CNTNAP2: variants seen among roughly 807,000 people sequenced by gnomAD.
CNTNAP2 encodes the protein contactin-associated protein-like 2.
CNTNAP2 carries 98 observed loss-of-function variants against 155.2 expected under a neutral mutation model. The ratio of observed to expected loss-of-function variants is 0.63; its 90% CI spans 0.54 to 0.75. CNTNAP2 has a LOEUF of 0.75. Ranked by LOEUF, CNTNAP2 falls within the 30% of genes least tolerant of loss-of-function variation. The pLI is 0.00. For synonymous variants in CNTNAP2, 651 were observed against 631.2 expected, an observed-to-expected ratio of 1.03 and a Z score of -0.47; for missense variants, 1,727 against 1,688.1, an observed-to-expected ratio of 1.02 and a Z score of -0.40.
At chr7:146,603,111 T>C (rs1420150453) in intron 1 of CNTNAP2, among the ~76,000 whole-genome samples, 2 of 151,528 alleles carry the variant, frequency 1.3e-5, no homozygotes, top group Non-Finnish European at 2.9e-5. Context: ...TTAGTACATG[T>C]AAATTTAAAA....
chr7:148,046,813 A>G (rs1364376129), intron 15 of CNTNAP2, among the ~76,000 whole-genome samples: 2 of 152,232 alleles, frequency 1.3e-5, no homozygotes, highest in Non-Finnish European at 2.9e-5. Context: ...ATGTAGGCCA[A>G]CTGCTTCTGT....
At chr7:148,015,357 C>A (rs1802159679) in intron 15 of CNTNAP2, among the ~76,000 whole-genome samples, 3 of 152,178 alleles carry the variant, frequency 2.0e-5, no homozygotes, top group Non-Finnish European at 2.9e-5. Context: ...TTTTGTGTCA[C>A]ATTCAACTCA....
intron 13 of CNTNAP2, among the ~76,000 whole-genome samples, chr7:147,792,410 C>G (rs1346275817): frequency 1.3e-5 from 2 of 151,984 alleles, no homozygotes; most frequent in Non-Finnish European, 2.9e-5. Flanking sequence ...TTAGACTTTG[C>G]ATATAAATGG....
chr7:146,574,440 A>G (rs1242939598), intron 1 of CNTNAP2, among the ~76,000 whole-genome samples: 1 of 152,164 alleles, frequency 6.6e-6, no homozygotes, highest in Non-Finnish European at 1.5e-5. Flanking sequence ...TGGTGGCTCA[A>G]GCCTATAATC....
intron 3 of CNTNAP2, among the ~76,000 whole-genome samples, chr7:147,034,608 G>C (rs1002151398): frequency 6.6e-6 from 1 of 152,174 alleles, no homozygotes; most frequent in Non-Finnish European, 1.5e-5. Flanking sequence ...TTGCCTTGGT[G>C]TATCAGAAAA....
intron 9 of CNTNAP2, among the ~76,000 whole-genome samples, chr7:147,349,008 G>T (rs899764637): frequency 6.6e-6 from 1 of 151,922 alleles, no homozygotes; most frequent in Non-Finnish European, 1.5e-5. Flanking sequence ...GGAAGATAGA[G>T]AAAAATTTGC....
At chr7:147,370,351 G>T (rs760674158) in intron 9 of CNTNAP2, among the ~76,000 whole-genome samples, 8 of 151,974 alleles carry the variant, frequency 5.3e-5, no homozygotes, top group Non-Finnish European at 8.8e-5. Context: ...CACGTCCTTG[G>T]GGCAGTCATT....
At chr7:146,755,039 A>T (rs1328555197) in intron 1 of CNTNAP2, among the ~76,000 whole-genome samples, 1 of 151,960 alleles carries the variant, frequency 6.6e-6, no homozygotes, top group Admixed American at 6.6e-5. Context: ...AGTAAGTGCC[A>T]GAATACAGTC....
intron 3 of CNTNAP2, among the ~76,000 whole-genome samples, chr7:146,911,656 TGGGGTGG>T (rs1796282376): frequency 1.6e-5 from 1 of 62,920 alleles, no homozygotes; most frequent in Non-Finnish European, 2.8e-5. Context: ...GGGACTGTGG[TGGGGTGG>T]GGGGAGGGGG....
At chr7:147,919,459 C>CTTTTTTTTTTTTTTTTTT (rs796710849) in intron 14 of CNTNAP2, among the ~76,000 whole-genome samples, 3 of 51,224 alleles carry the variant, frequency 5.9e-5, no homozygotes, top group African/African-American at 1.1e-4. Flanking sequence ...CTTTTTCTTT[C>CTTTTTTTTTTTTTTTTTT]TTTTTTTTTT....
intron 9 of CNTNAP2, among the ~76,000 whole-genome samples, chr7:147,361,252 T>C (rs1037212313): frequency 6.6e-6 from 1 of 152,202 alleles, no homozygotes; most frequent in Non-Finnish European, 1.5e-5. Flanking sequence ...TTTTACCTAT[T>C]CTGAAAAGTA....
intron 3 of CNTNAP2, among the ~76,000 whole-genome samples, chr7:146,996,637 G>A (rs542010642): frequency 1.3e-5 from 2 of 152,108 alleles, no homozygotes; most frequent in Admixed American, 1.3e-4. Context: ...TCTATAAAAC[G>A]GATCATGTCA....
chr7:147,665,101 C>G (rs1795672947), intron 13 of CNTNAP2, among the ~76,000 whole-genome samples: 1 of 152,164 alleles, frequency 6.6e-6, no homozygotes, highest in Non-Finnish European at 1.5e-5. Context: ...AAATTTTTAC[C>G]TGTGCCCCAA....
chr7:147,755,812 A>G (rs1797206966), intron 13 of CNTNAP2, among the ~76,000 whole-genome samples: 1 of 152,142 alleles, frequency 6.6e-6, no homozygotes. Context: ...ATTTCTAGAA[A>G]TTTTAAACAA....
At chr7:147,917,934 A>G (rs1800189138) in intron 14 of CNTNAP2, among the ~76,000 whole-genome samples, 1 of 152,058 alleles carries the variant, frequency 6.6e-6, no homozygotes, top group Non-Finnish European at 1.5e-5. Context: ...CTGGTCCTTT[A>G]CCTACACCTA....
intron 8 of CNTNAP2, among the ~76,000 whole-genome samples, chr7:147,244,117 G>A (rs1804001858): frequency 6.6e-6 from 1 of 151,978 alleles, no homozygotes; most frequent in Non-Finnish European, 1.5e-5. Context: ...CACCCTTTGG[G>A]GACTATGCTG....
intron 11 of CNTNAP2, among the ~76,000 whole-genome samples, chr7:147,521,967 A>T (rs1040715025): frequency 2.0e-5 from 3 of 152,232 alleles, no homozygotes; most frequent in African/African-American, 7.2e-5. Context: ...CATGGCTTAT[A>T]AATAACAGAA....
chr7:148,347,914 C>T (rs765528577), intron 21 of CNTNAP2, among the ~76,000 whole-genome samples: 3 of 152,198 alleles, frequency 2.0e-5, no homozygotes, highest in Non-Finnish European at 4.4e-5. Context: ...CTGCAAACAT[C>T]CTGTAGTTCT....
chr7:146,947,555 G>A (rs59106926), intron 3 of CNTNAP2, among the ~76,000 whole-genome samples: 1,333 of 39,058 alleles, frequency 0.034, 14 homozygotes, highest in Non-Finnish European at 0.047. Flanking sequence ...GTGTGTGTGT[G>A]TGTATATATA....
Sources: gnomAD v4.1 joint callset for allele counts (sites outside exome capture counted in the v4.1 genomes callset) on GRCh38, gnomAD v4.1.1 for gene constraint, MANE v1.5 for transcripts, NCBI Gene and HGNC (gene_info 2026-07-23, HGNC 2026-07-21) for gene names.